Variants in GRID2 observed in about 807,000 individuals in gnomAD.
GRID2 encodes the protein glutamate ionotropic receptor delta type subunit 2.
In GRID2, 33 loss-of-function variants were observed where a neutral mutation model predicts 114.8. That is an observed-to-expected ratio of 0.29 (90% CI 0.22 to 0.38). The LOEUF (loss-of-function observed/expected upper bound fraction) is 0.38. Among genes scored for constraint, GRID2 ranks in the 10% least tolerant of loss-of-function variants. The pLI is 1.00. For missense variants in GRID2, 1,184 were observed against 1,257.7 expected (o/e 0.94, Z 0.89); for synonymous variants, 505 against 449.9 (o/e 1.12, Z -1.55).
At chr4:93,225,499 C>T (rs749919798) in intron 7 of GRID2, among the ~76,000 whole-genome samples, 14 of 152,144 alleles carry the variant, frequency 9.2e-5, no homozygotes, top group Admixed American at 5.2e-4. Flanking sequence ...CAAACAAATT[C>T]TCCTATACCC....
chr4:92,929,795 T>C (rs1333429588), intron 2 of GRID2, among the ~76,000 whole-genome samples: 1 of 151,482 alleles, frequency 6.6e-6, no homozygotes, highest in South Asian at 2.1e-4. Context: ...ACTTTTTCCA[T>C]GTGTAAAATG....
At chr4:92,567,716 T>C (rs7659771) in intron 1 of GRID2, among the ~76,000 whole-genome samples, 31,874 of 152,032 alleles carry the variant, frequency 0.21, 3,747 homozygotes, top group South Asian at 0.29. Context: ...ATACATACTT[T>C]AAGTATTCTT....
At chr4:92,351,183 T>G (rs909396028) in intron 1 of GRID2, among the ~76,000 whole-genome samples, 1 of 151,978 alleles carries the variant, frequency 6.6e-6, no homozygotes, top group African/African-American at 2.4e-5. Context: ...TTCTCTTAGG[T>G]ATATACCAAG....
At chr4:92,606,733 A>T (rs1020695661) in intron 2 of GRID2, among the ~76,000 whole-genome samples, 7 of 151,912 alleles carry the variant, frequency 4.6e-5, no homozygotes, top group South Asian at 2.1e-4. Context: ...AAGAAGCCCT[A>T]CCTAAATTAT....
Position 93,375,097 on chromosome 4 carries a change from C to T in GRID2, c.1246-20510C>T, listed in dbSNP as rs116130038. Among the ~76,000 whole-genome samples the T allele has an allele frequency of 6.0e-3, 910 of 152,128 alleles. 7 individuals carry two copies. Among genetic ancestry groups the T allele is most frequent in the African/African-American group, 0.021 (859 of 41,506 alleles). On this transcript the variant is annotated intron_variant, in intron 8 of 15. Transcript: ENST00000282020. ...AGGGCAAGAGCTGAATTTCATAAACCGTAACCTAATCCATCACTGCAGCTT... is the reference window on the plus strand; with the variant it reads ...AGGGCAAGAGCTGAATTTCATAAACTGTAACCTAATCCATCACTGCAGCTT...
At chr4:93,129,946 A>G (rs1406134216) in intron 4 of GRID2, among the ~76,000 whole-genome samples, 1 of 152,228 alleles carries the variant, frequency 6.6e-6, no homozygotes, top group Admixed American at 6.5e-5. Context: ...CCAAATGTCC[A>G]GGTATATTTC....
rs138131170 is a variant in GRID2, at chr4:93,348,273, T to C, written c.1246-47334T>C. 4.9e-3 allele frequency among the ~76,000 whole-genome samples: 751 copies of C among 152,242 alleles called. 5 individuals are homozygous for C. Among genetic ancestry groups the C allele is most frequent in the Middle Eastern group, 0.017 (5 of 294 alleles). On this transcript the variant is annotated intron_variant, in intron 8 of 15. Transcript: ENST00000282020. ...AAAATCATTACTCACTTCATACACA[T>C]GTTATTGAAGGTAATATCTGTTTAA...
chr4:93,680,163 A>T (rs1328542520), intron 14 of GRID2, among the ~76,000 whole-genome samples: 1 of 152,092 alleles, frequency 6.6e-6, no homozygotes, highest in Admixed American at 6.5e-5. Flanking sequence ...TACACGAATA[A>T]ACTAGAAAAT....
chr4:93,675,924 C>A (rs897956631), intron 14 of GRID2, among the ~76,000 whole-genome samples: 8 of 152,186 alleles, frequency 5.3e-5, no homozygotes, highest in Non-Finnish European at 1.0e-4. Flanking sequence ...TTTCACGCGT[C>A]ACTGAAAGAT....
intron 2 of GRID2, among the ~76,000 whole-genome samples, chr4:92,847,737 T>G (rs1309350449): frequency 2.6e-5 from 4 of 152,074 alleles, no homozygotes; most frequent in African/African-American, 4.8e-5. Context: ...GGAATGTTTA[T>G]TTTATGGAAT....
chr4:93,736,811 T>C (rs1730959158), intron 14 of GRID2, among the ~76,000 whole-genome samples: 1 of 151,540 alleles, frequency 6.6e-6, no homozygotes, highest in African/African-American at 2.4e-5. Context: ...GGCTCCAATT[T>C]TTTTTTGTAT....
chr4:92,382,885 T>TA, intron 1 of GRID2, among the ~76,000 whole-genome samples: 1 of 152,040 alleles, frequency 6.6e-6, no homozygotes, highest in South Asian at 2.1e-4. Flanking sequence ...TATAAAGAAA[T>TA]ACCTGAGACT....
intron 8 of GRID2, among the ~76,000 whole-genome samples, chr4:93,303,070 C>T (rs7666424): frequency 0.054 from 8,248 of 152,152 alleles, 752 homozygotes; most frequent in African/African-American, 0.19. Flanking sequence ...GCATGTCTTA[C>T]GTGACCAGAG....
intron 13 of GRID2, among the ~76,000 whole-genome samples, chr4:93,553,838 A>C (rs893359802): frequency 1.3e-5 from 2 of 152,170 alleles, no homozygotes; most frequent in African/African-American, 4.8e-5. Flanking sequence ...CTATGTTTCT[A>C]AGATGTTAAT....
intron 2 of GRID2, among the ~76,000 whole-genome samples, chr4:92,827,197 ACTATT>A (rs1427012377): frequency 1.3e-5 from 2 of 151,982 alleles, no homozygotes; most frequent in East Asian, 3.9e-4. Context: ...AGGCAATTAA[ACTATT>A]CTATTTTATT....
chr4:93,141,774 C>A, intron 4 of GRID2, among the ~76,000 whole-genome samples: 1 of 152,180 alleles, frequency 6.6e-6, no homozygotes, highest in Non-Finnish European at 1.5e-5. Flanking sequence ...CCTGTCATAA[C>A]AGAAAATTGT....
intron 11 of GRID2, among the ~76,000 whole-genome samples, chr4:93,476,811 T>C (rs1307444252): frequency 6.6e-6 from 1 of 152,124 alleles, no homozygotes; most frequent in Non-Finnish European, 1.5e-5. Flanking sequence ...CTTATATCAA[T>C]GTTCTGAAGA....
At chr4:92,942,966 T>A (rs968328163) in intron 2 of GRID2, among the ~76,000 whole-genome samples, 2 of 152,218 alleles carry the variant, frequency 1.3e-5, no homozygotes, top group East Asian at 1.9e-4. Context: ...CTTCCCGTTG[T>A]GGGTAACCCG....
chr4:92,679,248 C>A lies in GRID2; in HGVS notation c.244+88962C>A, dbSNP rs578119843. ...ATTGGATTTTTGTTTGTCTTTAGTT[C>A]TTTTATTTTTTGCAGTTTTAATCTG... On this transcript the variant is annotated intron_variant, in intron 2 of 15. Transcript: ENST00000282020. Among the ~76,000 whole-genome samples, 567 of 151,876 alleles carry A rather than the reference C, an allele frequency of 3.7e-3. 2 individuals carry two copies. Among genetic ancestry groups the A allele is most frequent in the Admixed American group, 6.3e-3 (96 of 15,246 alleles).
Sources: gnomAD v4.1 joint callset for allele counts (sites outside exome capture counted in the v4.1 genomes callset) on GRCh38, gnomAD v4.1.1 for gene constraint, MANE v1.5 for transcripts, NCBI Gene and HGNC (gene_info 2026-07-23, HGNC 2026-07-21) for gene names.